The following IREB2 variants were observed in gnomAD, a reference collection of about 807,000 sequenced individuals.
IREB2 encodes the protein iron responsive element binding protein 2.
Under a neutral mutation model 118.8 loss-of-function variants are expected in IREB2, and 39 were observed. The observed-to-expected ratio is 0.33, with a 90% CI of 0.25 to 0.43. The LOEUF is 0.43. Among genes scored for constraint, IREB2 ranks in the 20% least tolerant of loss-of-function variants. The pLI is 1.00. For synonymous variants in IREB2, 372 were observed against 392.2 expected (o/e 0.95, Z 0.61); for missense variants, 900 against 1,147.3 (o/e 0.78, Z 3.11).
rs572864439 is a variant in IREB2 at position 78,439,350 on chromosome 15, A to T, written c.20-445A>T. ...GTTTTTTTTTTTAATCAGTCCCTCT[A>T]ATGTTAATTGTGGAATTCACAAATT... On this transcript the variant is annotated intron_variant, in intron 1 of 21. Coordinates refer to ENST00000258886, the MANE Select transcript of IREB2 (RefSeq NM_004136.4). Among the ~76,000 whole-genome samples, 3 of 151,920 alleles carry T rather than the reference A, an allele frequency of 2.0e-5. No homozygotes were observed. In the East Asian group the frequency reaches 5.8e-4, roughly 29 times the overall value.
intron 9 of IREB2, among the ~76,000 whole-genome samples, chr15:78,477,321 A>G (rs945585452): frequency 6.6e-6 from 1 of 152,210 alleles, no homozygotes; most frequent in African/African-American, 2.4e-5. Flanking sequence ...GACAGGGCAC[A>G]GTGGGGACAG....
At chr15:78,441,667 A>C (rs1046739591) in intron 2 of IREB2, among the ~76,000 whole-genome samples, 1 of 152,254 alleles carries the variant, frequency 6.6e-6, no homozygotes, top group African/African-American at 2.4e-5. Context: ...TGTAAAATGC[A>C]TTGAAAGGGA....
In IREB2 at chr15:78,439,866, C is replaced by T. The variant is rs770858657; in HGVS notation, c.91C>T (p.Leu31Phe). ...TAAGAAGTTCTTCGATGTATCTAAACTTGGCACCAAGTATGGTAATGTTGC... is the reference window on the plus strand; with the variant it reads ...TAAGAAGTTCTTCGATGTATCTAAATTTGGCACCAAGTATGGTAATGTTGC... ...SHKKFFDVSKLGTKYDVLPYS... is the reference protein window; with the variant it reads ...SHKKFFDVSKFGTKYDVLPYS... The change falls in exon 2 of 22, where the codon CTT becomes TTT. Residue 31 changes from leucine to phenylalanine, a missense_variant. Physicochemically the swap from Leu to Phe is conservative, Grantham distance 22 (BLOSUM62 0). Transcript: ENST00000258886. 1.3e-6 allele frequency: 2 copies of T among 1,596,828 alleles called. No homozygotes were observed. The highest frequency in any genetic ancestry group is 2.7e-5 in the African/African-American group (2 of 74,498).
rs1247746156 is a variant in IREB2 at position 78,490,783 on chromosome 15, G to A, written c.2324+22G>A. 1.9e-6 allele frequency: 3 copies of A among 1,603,950 alleles called. No homozygotes were observed. The South Asian group carries it at 3.3e-5, about 18-fold the overall frequency. On this transcript the variant is annotated intron_variant, in intron 18 of 21. Transcript: ENST00000258886. ...GAGGGTATGTGTACATGGCTTTAGA[G>A]TGTTTTTGTTTTTTCTTGTTTCTTA... is the stretch of plus-strand genomic sequence containing the variant.
intron 2 of IREB2, among the ~76,000 whole-genome samples, chr15:78,445,329 G>C (rs2050911621): frequency 1.3e-5 from 2 of 152,014 alleles, no homozygotes; most frequent in Non-Finnish European, 2.9e-5. Flanking sequence ...GTAGAGACAG[G>C]GTTTCGCCAT....
In IREB2 at chr15:78,438,234, CCT is replaced by C; in HGVS notation, c.-102_-101del. The C allele has an allele frequency of 1.1e-6, 1 of 886,156 alleles. No individual in the cohort carries two copies. Among genetic ancestry groups the C allele is most frequent in the Admixed American group, 2.0e-5 (1 of 49,080 alleles). The allele number at this position is 886,156 out of a possible 1,614,324, so 54.9% of individuals were successfully genotyped here. A position where few individuals can be genotyped will look rare whatever the true frequency, so the allele number is the denominator to read the frequency against. On this transcript the variant is annotated 5_prime_UTR_variant, in exon 1 of 22. Transcript: ENST00000258886. ...TTTGCGCGAGCCTGCTTCCTTCTTTCCTCCCTTGCCAGTCCGCCTGTCTTCCT... is the reference window on the plus strand; with the variant it reads ...TTTGCGCGAGCCTGCTTCCTTCTTTCCCCTTGCCAGTCCGCCTGTCTTCCT...
intron 10 of IREB2, among the ~76,000 whole-genome samples, chr15:78,479,302 T>C (rs1184555282): frequency 6.6e-6 from 1 of 152,078 alleles, no homozygotes; most frequent in African/African-American, 2.4e-5. Context: ...AGTAATGTTA[T>C]TGTAGCCCAG....
intron 6 of IREB2, 89 bp downstream of exon 6, chr15:78,470,690 T>A: frequency 4.7e-5 from 3 of 63,934 alleles, no homozygotes; most frequent in Non-Finnish European, 9.4e-5. Flanking sequence ...TTTCTTTTCC[T>A]TTTTTTTTTT....
In IREB2 at chr15:78,490,657, C is replaced by T. The variant is rs753887393; in HGVS notation, c.2220C>T (p.Ala740=). The change falls in exon 18 of 22, where the codon GCC becomes GCT. Residue 740 remains alanine (A), a synonymous_variant. Transcript: ENST00000258886. ...TTGCACTCCAGGCTATTGAAAATGC[C>T]CATGTCTTATTATATTTGGGAGACT... ...EPIALQAIEN[A]HVLLYLGDSV... 5 of 1,613,892 alleles carry T rather than the reference C, an allele frequency of 3.1e-6. No individual in the cohort carries two copies. In the East Asian group the frequency reaches 8.9e-5, roughly 29 times the overall value.
chr15:78,483,219 C>T lies in IREB2; in HGVS notation c.1297-99C>T, dbSNP rs571668267. On this transcript the variant is annotated intron_variant, in intron 10 of 21. Transcript: ENST00000258886. Reference sequence around the variant, plus strand: ...AAAATAAATTGCATTAAAATAAATACGAATATACTTACTCTGCTTTAGAAA... The same window carrying T: ...AAAATAAATTGCATTAAAATAAATATGAATATACTTACTCTGCTTTAGAAA... 70 of 589,368 alleles carry T rather than the reference C, an allele frequency of 1.2e-4. 1 individual carries two copies. In the South Asian group the frequency reaches 1.3e-3, roughly 11 times the overall value. The allele number at this position is 589,368 out of a possible 1,614,324, so 36.5% of individuals were successfully genotyped here.
intron 2 of IREB2, among the ~76,000 whole-genome samples, chr15:78,440,229 C>A (rs2141440108): frequency 6.6e-6 from 1 of 152,202 alleles, no homozygotes; most frequent in South Asian, 2.1e-4. Context: ...CCCAAATAAT[C>A]CTCCCACCTC....
rs775405941 is a variant in IREB2 at position 78,497,077 on chromosome 15, A to C, written c.2596-49A>C. 2.0e-6 allele frequency: 3 copies of C among 1,481,090 alleles called. No individual in the cohort carries two copies. The South Asian group carries it at 3.5e-5, about 17-fold the overall frequency. The allele number at this position is 1,481,090 out of a possible 1,614,324, so 91.7% of individuals were successfully genotyped here. ...TTTTGCCCCCTTTAAATGCTCAATA[A>C]ATAACTTTCAGAAGTGATTAGAGGG... On this transcript the variant is annotated intron_variant, in intron 20 of 21. Transcript: ENST00000258886.
intron 10 of IREB2, chr15:78,480,039 A>G (rs914858707): frequency 3.9e-5 from 6 of 152,200 alleles, no homozygotes; most frequent in Non-Finnish European, 8.8e-5. Context: ...TTCTAACAAC[A>G]TGGTTTTACA....
At chr15:78,466,157 T>G in intron 4 of IREB2, 114 bp from the exon 5 acceptor site, 1 of 624,616 alleles carries the variant, frequency 1.6e-6, no homozygotes, top group East Asian at 2.8e-5. Context: ...TACATTAGCC[T>G]TTAAACATCA....
At chr15:78,464,682 C>G (rs978284857) in intron 3 of IREB2, among the ~76,000 whole-genome samples, 5 of 152,128 alleles carry the variant, frequency 3.3e-5, no homozygotes, top group Admixed American at 6.6e-5. Flanking sequence ...CTCCTGGGCT[C>G]AAGCTGTTAT....
intron 2 of IREB2, among the ~76,000 whole-genome samples, chr15:78,459,322 T>G (rs1309435547): frequency 6.6e-6 from 1 of 150,496 alleles, no homozygotes; most frequent in East Asian, 1.9e-4. Flanking sequence ...TTAATATAAT[T>G]GGGTTTTTTG....
At chr15:78,473,908 A>G (rs1504550) in intron 8 of IREB2, 35,392 of 152,204 alleles carry the variant, frequency 0.23, 5,376 homozygotes, top group Middle Eastern at 0.37. Flanking sequence ...TTATTTGCCC[A>G]TTAGAAACTG....
At chr15:78,464,645 G>GTGAT (rs1352787735) in intron 3 of IREB2, among the ~76,000 whole-genome samples, 1 of 152,170 alleles carries the variant, frequency 6.6e-6, no homozygotes, top group Non-Finnish European at 1.5e-5. Context: ...GTGTAGTGAT[G>GTGAT]TGATCATAGT....
At chr15:78,466,821 A>G (rs2051290831) in intron 5 of IREB2, among the ~76,000 whole-genome samples, 1 of 152,184 alleles carries the variant, frequency 6.6e-6, no homozygotes, top group East Asian at 1.9e-4. Flanking sequence ...TGTACCATTC[A>G]TATACTCGTT....
Sources: gnomAD v4.1 joint callset for allele counts (sites outside exome capture counted in the v4.1 genomes callset) on GRCh38, gnomAD v4.1.1 for gene constraint, MANE v1.5 for transcripts, NCBI Gene and HGNC (gene_info 2026-07-23, HGNC 2026-07-21) for gene names.